The following ZNF454 variants were observed in gnomAD, a reference collection of about 807,000 sequenced individuals.
The protein encoded by ZNF454 is zinc finger protein 454.
Under a neutral mutation model 48.2 loss-of-function variants are expected in ZNF454, and 30 were observed. That is an observed-to-expected ratio of 0.62 (90% CI 0.47 to 0.84). The LOEUF (loss-of-function observed/expected upper bound fraction) is 0.84. Ranked by LOEUF, ZNF454 falls within the 40% of genes least tolerant of loss-of-function variation. The pLI, the probability that ZNF454 is intolerant of heterozygous loss-of-function variation, is 0.00. For missense variants in ZNF454, 510 were observed against 623.1 expected (o/e 0.82, Z 1.93); for synonymous variants, 204 against 211.4 (o/e 0.97, Z 0.30).
At chr5:178,968,693 A>G (rs1460569170), downstream of ZNF454, 2 of 447,724 alleles carry the variant, frequency 4.5e-6, no homozygotes, top group Non-Finnish European at 4.5e-6. Flanking sequence ...CACCCCATCC[A>G]TGTAATGTGC....
intron 4 of ZNF454, among the ~76,000 whole-genome samples, chr5:178,960,677 T>C (rs1695227233): frequency 6.6e-6 from 1 of 151,834 alleles, no homozygotes; most frequent in Admixed American, 6.6e-5. Flanking sequence ...TATACATTTT[T>C]AAAGTTATGT....
chr5:178,988,893 C>T, the ZNF454 span: 2 of 1,538,516 alleles, frequency 1.3e-6, no homozygotes, highest in African/African-American at 1.4e-5. This position sits in a 1 kb window ranked among gnomAD's most constrained non-coding sequence, Gnocchi z 6.0. Context: ...TCCAGCCCCC[C>T]AGCTGTCCTT....
chr5:178,978,142 AT>A, the ZNF454 span, among the ~76,000 whole-genome samples: 1 of 152,230 alleles, frequency 6.6e-6, no homozygotes, highest in Non-Finnish European at 1.5e-5. Context: ...GATAGAAAAT[AT>A]TTAGTTTGGA....
chr5:178,957,525 T>C (rs2113246366), intron 4 of ZNF454, among the ~76,000 whole-genome samples: 1 of 152,254 alleles, frequency 6.6e-6, no homozygotes, highest in South Asian at 2.1e-4. Flanking sequence ...TTCTCCTGCC[T>C]CAGCCTCCCG....
At position 178,942,668 on chromosome 5, in the gene ZNF454, C is replaced by T. The variant is rs778638508; in HGVS notation, c.-107-17C>T. 5.5e-6 allele frequency: 6 copies of T among 1,095,482 alleles called. No individual in the cohort carries two copies. The highest frequency in any genetic ancestry group is 1.3e-5 in the South Asian group (1 of 74,398). 67.9% of individuals were successfully genotyped at this position (1,095,482 alleles called of 1,614,324 possible). On this transcript the variant is annotated splice_polypyrimidine_tract_variant and intron_variant, in intron 1 of 4. Transcript: ENST00000519564. ...GACTGCTGTATGAGAGCTTTTGACCCAGTTCTCTCCTAATAGCAGGTGTGT... is the reference window on the plus strand; with the variant it reads ...GACTGCTGTATGAGAGCTTTTGACCTAGTTCTCTCCTAATAGCAGGTGTGT...
chr5:178,981,988 C>G, the ZNF454 span: 1 of 772,508 alleles, frequency 1.3e-6, no homozygotes. The surrounding 1 kb of genome is among the most constrained non-coding windows in gnomAD (Gnocchi z 5.1). Flanking sequence ...TAGACCAGGA[C>G]AACAGTATGA....
chr5:178,987,298 T>G, the ZNF454 span: 2 of 526,852 alleles, frequency 3.8e-6, no homozygotes, highest in Admixed American at 2.2e-5. Context: ...GACCCAGCAG[T>G]TCCACTCCCG....
chr5:178,986,061 C>A, the ZNF454 span: 1 of 1,437,566 alleles, frequency 7.0e-7, no homozygotes, highest in Non-Finnish European at 9.5e-7. Flanking sequence ...TGTGCCTGGC[C>A]CTTTTGGCTT....
the ZNF454 span, chr5:178,986,119 T>C: frequency 6.2e-7 from 1 of 1,611,728 alleles, no homozygotes; most frequent in Non-Finnish European, 8.5e-7. Context: ...CTTGGGAGCC[T>C]ACGGACCCAC....
rs145568766 is a variant in ZNF454, at chr5:178,960,994, G to A, written c.251-3661G>A. ...TCGCCAGGCTGGAGTGCAGTGGCAC[G>A]ATCTCAGCTCACTGCAACCTCTGCC... On this transcript the variant is annotated intron_variant, in intron 4 of 4. Transcript: ENST00000519564. 8.2e-3 allele frequency among the ~76,000 whole-genome samples: 1,223 copies of A among 148,760 alleles called. 22 individuals carry two copies. Among genetic ancestry groups the A allele is most frequent in the Non-Finnish European group, 7.7e-3 (518 of 67,634 alleles).
chr5:178,976,947 C>G, the ZNF454 span, among the ~76,000 whole-genome samples: 2 of 152,088 alleles, frequency 1.3e-5, no homozygotes, highest in Admixed American at 1.3e-4. Flanking sequence ...TGCCTGGGGC[C>G]GTGTTCCCCT....
intron 4 of ZNF454, among the ~76,000 whole-genome samples, chr5:178,957,151 G>C (rs1365448591): frequency 6.6e-6 from 1 of 152,010 alleles, no homozygotes; most frequent in African/African-American, 2.4e-5. Context: ...CAAAGTGCTG[G>C]GATTACAGGC....
chr5:178,984,915 G>T, the ZNF454 span, among the ~76,000 whole-genome samples: 1 of 152,080 alleles, frequency 6.6e-6, no homozygotes, highest in Admixed American at 6.6e-5. Flanking sequence ...GTCACACCAG[G>T]TCACCCTCCC....
At position 178,965,950 on chromosome 5, in the gene ZNF454, A is replaced by G; in HGVS notation, c.1546A>G (p.Arg516Gly). Residue 516 changes from arginine (R) to glycine (G), a missense_variant, in exon 5 of 5, where the codon AGA becomes GGA. Transcript: ENST00000519564. This position sits in a 1 kb window ranked among gnomAD's most constrained non-coding sequence, Gnocchi z 5.2. ...GACTGCAAACCTCATTCAGCATCAG[A>G]GACATCATATTGGAGAGAAGTGATA... ...NQTANLIQHQRHHIGEK is the reference protein window; with the variant it reads ...NQTANLIQHQGHHIGEK 6.3e-7 allele frequency: 1 copy of G among 1,589,454 alleles called. No individual in the cohort carries two copies. The highest frequency in any genetic ancestry group is 1.1e-5 in the South Asian group (1 of 87,488).
At chr5:178,986,432 C>T in the ZNF454 span, 31 of 1,613,296 alleles carry the variant, frequency 1.9e-5, no homozygotes, top group African/African-American at 9.3e-5. Flanking sequence ...TTGTACCGCA[C>T]GAAGGTGGCC....
At chr5:178,975,011 T>C in the ZNF454 span, among the ~76,000 whole-genome samples, 1 of 152,126 alleles carries the variant, frequency 6.6e-6, no homozygotes, top group Non-Finnish European at 1.5e-5. Flanking sequence ...TAACGACACA[T>C]CAAAAGATGT....
the ZNF454 span, chr5:178,983,565 C>T: frequency 2.1e-6 from 1 of 469,712 alleles, no homozygotes; most frequent in Non-Finnish European, 4.2e-6. Flanking sequence ...TTACTGCGCC[C>T]CTTCAAGGTA....
chr5:178,988,894 A>C, the ZNF454 span: 3 of 1,531,550 alleles, frequency 2.0e-6, no homozygotes, highest in Non-Finnish European at 2.7e-6. The surrounding 1 kb of genome is among the most constrained non-coding windows in gnomAD (Gnocchi z 6.0). Flanking sequence ...CCAGCCCCCC[A>C]GCTGTCCTTC....
chr5:178,956,951 T>A, intron 4 of ZNF454: 2 of 259,920 alleles, frequency 7.7e-6, no homozygotes, highest in Non-Finnish European at 1.6e-5. Context: ...TGGTACAATC[T>A]CGGCTCACTG....
Sources: allele counts gnomAD v4.1 joint callset (sites outside exome capture counted in the v4.1 genomes callset), GRCh38; gene constraint gnomAD v4.1.1; non-coding constraint Gnocchi (gnomAD v3.1); transcripts MANE v1.5; gene names NCBI Gene and HGNC (gene_info 2026-07-23, HGNC 2026-07-21).